Variants in P3H2 observed in about 807,000 individuals in gnomAD.
The protein encoded by P3H2 is leprecan-like 1.
In P3H2, 80 loss-of-function variants were observed where a neutral mutation model predicts 87.0. The ratio of observed to expected loss-of-function variants is 0.92; its 90% CI spans 0.77 to 1.11. The LOEUF is 1.11. P3H2 is among the 50% of genes least tolerant of loss of function. The pLI is 0.00. For synonymous variants in P3H2, 367 were observed against 359.3 expected (o/e 1.02, Z -0.24); for missense variants, 1,001 against 923.9 (o/e 1.08, Z -1.08).
chr3:190,060,167 A>C (rs2108966246), intron 1 of P3H2, among the ~76,000 whole-genome samples: 1 of 152,294 alleles, frequency 6.6e-6, no homozygotes, highest in South Asian at 2.1e-4. Flanking sequence ...TGAAGCACCC[A>C]ATTTGTTGAA....
Position 189,967,119 on chromosome 3 carries a change from G to A in P3H2, c.1894-3021C>T, listed in dbSNP as rs1272222303. 2.0e-5 allele frequency among the ~76,000 whole-genome samples: 3 copies of A among 152,050 alleles called. No individual in the cohort carries two copies. In the East Asian group the frequency reaches 5.8e-4, roughly 29 times the overall value. On this transcript the variant is annotated intron_variant, in intron 13 of 14. Transcript: ENST00000319332. ...CTAGAATAAACTTCCTGTGGGGAAAGATAAGAACTGCCTTACGTAAGAATT... is the reference window on the plus strand; with the variant it reads ...CTAGAATAAACTTCCTGTGGGGAAAAATAAGAACTGCCTTACGTAAGAATT...
Position 189,986,797 on chromosome 3 carries a change from G to A in P3H2, c.1179C>T (p.Tyr393=). 1 of 1,602,346 alleles carries A rather than the reference G, an allele frequency of 6.2e-7. No homozygotes were observed. Among genetic ancestry groups the A allele is most frequent in the East Asian group, 2.2e-5 (1 of 44,792 alleles). The change falls in exon 6 of 15, where the codon TAC becomes TAT. Residue 393 remains tyrosine (Y), a synonymous_variant. Coordinates refer to ENST00000319332, the MANE Select transcript of P3H2 (RefSeq NM_018192.4). The part of the protein sequence containing the change: ...KSAAEGLGFS[Y]TEPNYWIRYG... The stretch of plus-strand genomic sequence containing the variant: ...TCCTCTTTCCTCTTACCGGTTCAGT[G>A]TATGAAAACCCCAGACCTTCTGCAG...
chr3:189,974,448 A>G, intron 9 of P3H2, 110 bp downstream of exon 9: 3 of 1,393,440 alleles, frequency 2.2e-6, no homozygotes, highest in Non-Finnish European at 3.0e-6. Flanking sequence ...TCCTCAAGAA[A>G]GCAATATTTC....
In P3H2 at chr3:190,120,305, T is replaced by C. The variant is rs1418603067; in HGVS notation, c.427A>G (p.Ser143Gly). 3.7e-6 allele frequency: 6 copies of C among 1,609,314 alleles called. No individual in the cohort carries two copies. The highest frequency in any genetic ancestry group is 4.2e-6 in the Non-Finnish European group (5 of 1,178,902). Residue 143 changes from serine to glycine, a missense_variant, in exon 1 of 15, where the codon AGC becomes GGC. Ser to Gly is a moderately conservative substitution (Grantham distance 56). Coordinates refer to ENST00000319332, the MANE Select transcript of P3H2 (RefSeq NM_018192.4). ...TAGGGCACTCTGCGCTGGAAGTCGC[T>C]GCGCACATCCTCGCTGACGCGGTGG... is the stretch of plus-strand genomic sequence containing the variant. ...SRHRVSEDVR[S>G]DFQRRVPYNY...
intron 1 of P3H2, among the ~76,000 whole-genome samples, chr3:190,087,412 C>T (rs569946193): frequency 1.3e-4 from 20 of 151,652 alleles, no homozygotes; most frequent in South Asian, 2.1e-4. Flanking sequence ...GGTGTGGTGG[C>T]GGGCGCCTGT....
At chr3:190,071,572 G>A (rs756901636) in intron 1 of P3H2, among the ~76,000 whole-genome samples, 6 of 152,154 alleles carry the variant, frequency 3.9e-5, no homozygotes, top group Non-Finnish European at 5.9e-5. Flanking sequence ...GCACAATTGT[G>A]CTGTTTTACT....
chr3:190,093,938 G>A (rs1727492128), intron 1 of P3H2, among the ~76,000 whole-genome samples: 1 of 152,114 alleles, frequency 6.6e-6, no homozygotes, highest in East Asian at 1.9e-4. Flanking sequence ...CATTTTACAT[G>A]ATAAAAATTT....
chr3:189,969,014 T>G (rs116731733), intron 13 of P3H2: 1 of 245,730 alleles, frequency 4.1e-6, no homozygotes. Flanking sequence ...GTCAAAAGGA[T>G]AAATTGCAAA....
At chr3:190,007,395 G>T (rs1163186167) in intron 1 of P3H2, among the ~76,000 whole-genome samples, 3 of 152,136 alleles carry the variant, frequency 2.0e-5, no homozygotes, top group Admixed American at 6.5e-5. Flanking sequence ...ACAAATTTTG[G>T]TTGTGGGTTG....
At position 189,995,557 on chromosome 3, in the gene P3H2, T is replaced by G. The variant is rs112063135; in HGVS notation, c.481-115A>C. ...TTAAGAATGAAACTAGGAGCCTTGG[T>G]TTTTTTTTTTTTTATCAGACAGGCA... is the stretch of plus-strand genomic sequence containing the variant. On this transcript the variant is annotated intron_variant, in intron 1 of 14. Transcript: ENST00000319332. 4.7e-3 allele frequency: 1,573 copies of G among 334,068 alleles called. 25 individuals are homozygous for G. Among genetic ancestry groups the G allele is most frequent in the Non-Finnish European group, 5.1e-3 (1,176 of 232,758 alleles). 20.7% of individuals were successfully genotyped at this position (334,068 alleles called of 1,614,324 possible). A position where few individuals can be genotyped will look rare whatever the true frequency, so the allele number is the denominator to read the frequency against.
rs1256956930 is a variant in P3H2, at chr3:190,066,158, T to TATATATACACACAC, written c.480+54093_480+54094insGTGTGTGTATATAT. Among the ~76,000 whole-genome samples, 184 of 134,618 alleles carry TATATATACACACAC rather than the reference T, an allele frequency of 1.4e-3. 2 individuals are homozygous for TATATATACACACAC. Among genetic ancestry groups the TATATATACACACAC allele is most frequent in the African/African-American group, 5.6e-3 (182 of 32,230 alleles). 88.3% of individuals were successfully genotyped at this position (134,618 alleles called of 152,430 possible). The stretch of plus-strand genomic sequence containing the variant: ...ACTGTGGTGTGTATATATATATATA[T>TATATATACACACAC]ACACACACACACACACACACATATA... On this transcript the variant is annotated intron_variant, in intron 1 of 14. Transcript: ENST00000319332.
intron 1 of P3H2, among the ~76,000 whole-genome samples, chr3:190,092,490 T>C (rs927117288): frequency 6.6e-6 from 1 of 152,148 alleles, no homozygotes; most frequent in Admixed American, 6.5e-5. Flanking sequence ...ATACTCTCAT[T>C]AGGAGCTACA....
upstream of P3H2, chr3:190,120,962 C>G: frequency 1.7e-6 from 1 of 580,288 alleles, no homozygotes; most frequent in Non-Finnish European, 2.8e-6. Flanking sequence ...CTCCTGCTGC[C>G]TGAGACTCCG....
In P3H2 at chr3:190,120,610, A is replaced by G; in HGVS notation, c.122T>C (p.Leu41Pro). The G allele has an allele frequency of 1.3e-6, 2 of 1,543,678 alleles. No individual in the cohort carries two copies. Among genetic ancestry groups the G allele is most frequent in the African/African-American group, 1.4e-5 (1 of 71,364 alleles). Residue 41 changes from leucine (L) to proline (P), a missense_variant, in exon 1 of 15, where the codon CTG (leucine) becomes CCG (proline). Leu to Pro is a moderately conservative substitution (Grantham distance 98). Transcript: ENST00000319332. Reference sequence around the variant, plus strand: ...GGCGTAGAGCAGGTCGAAGGGCTGCAGAGGCCCGGGCTCCAGCTCCAGCTC... The same window carrying G: ...GGCGTAGAGCAGGTCGAAGGGCTGCGGAGGCCCGGGCTCCAGCTCCAGCTC... ...RRELELEPGP[L>P]QPFDLLYASG... is the part of the protein sequence containing the mutation.
chr3:190,120,915 A>C, upstream of P3H2: 1 of 950,744 alleles, frequency 1.1e-6, no homozygotes, highest in Non-Finnish European at 1.5e-6. Flanking sequence ...GTGCCTGGCC[A>C]GCCGCTCTTA....
At chr3:190,106,590 GATT>G (rs1293503007) in intron 1 of P3H2, among the ~76,000 whole-genome samples, 2 of 151,590 alleles carry the variant, frequency 1.3e-5, no homozygotes, top group African/African-American at 4.8e-5. Flanking sequence ...AAATAGGTAT[GATT>G]ATTGTCATTT....
At chr3:190,092,446 G>C (rs1202600191) in intron 1 of P3H2, among the ~76,000 whole-genome samples, 1 of 152,184 alleles carries the variant, frequency 6.6e-6, no homozygotes, top group Non-Finnish European at 1.5e-5. Flanking sequence ...TAGCAAAATA[G>C]CTAGTGCTTA....
chr3:190,007,147 A>G (rs1227360432), intron 1 of P3H2, among the ~76,000 whole-genome samples: 1 of 152,184 alleles, frequency 6.6e-6, no homozygotes, highest in African/African-American at 2.4e-5. Flanking sequence ...GATAAACTTT[A>G]TAATATCCTT....
intron 8 of P3H2, among the ~76,000 whole-genome samples, chr3:189,981,329 G>C (rs1723527767): frequency 6.6e-6 from 1 of 152,146 alleles, no homozygotes; most frequent in Non-Finnish European, 1.5e-5. Context: ...TGTGGGATCT[G>C]ACACTATTTC....
Sources: allele counts gnomAD v4.1 joint callset (sites outside exome capture counted in the v4.1 genomes callset), GRCh38; gene constraint gnomAD v4.1.1; transcripts MANE v1.5; gene names NCBI Gene and HGNC (gene_info 2026-07-23, HGNC 2026-07-21).